The following AOPEP variants were observed in gnomAD, a reference collection of about 807,000 sequenced individuals.
AOPEP encodes the protein aminopeptidase O.
A neutral mutation model predicts 98.1 loss-of-function variants in AOPEP; 77 were observed. The observed-to-expected ratio is 0.78, with a 90% confidence interval of 0.65 to 0.95. The LOEUF is 0.95. AOPEP is among the 40% of genes least tolerant of loss of function. The pLI, the probability that AOPEP is intolerant of heterozygous loss-of-function variation, is 0.00. For synonymous variants in AOPEP, 346 were observed against 365.3 expected (o/e 0.95, Z 0.60); for missense variants, 1,024 against 1,024.7 (o/e 1.00, Z 0.01).
intron 13 of AOPEP, among the ~76,000 whole-genome samples, chr9:95,025,638 ATTAAG>A (rs1315106822): frequency 6.6e-6 from 1 of 152,254 alleles, no homozygotes; most frequent in African/African-American, 2.4e-5. Context: ...TTGTATAATT[ATTAAG>A]TTGATAGTGA....
Position 94,760,311 on chromosome 9 carries a change from C to T in AOPEP, c.528C>T (p.Leu176=). Residue 176 remains leucine (L), a synonymous_variant, in exon 2 of 17, where the codon CTC becomes CTT. Transcript: ENST00000375315. ...GLEKFTRSPE[L]TVVSEEFRNQ... is the part of the protein sequence containing the mutation. Reference sequence around the variant, plus strand: ...AAAAATTTACAAGGTCTCCTGAGCTCACGGTTGTTTCTGAGGAGTTCAGGA... The same window carrying T: ...AAAAATTTACAAGGTCTCCTGAGCTTACGGTTGTTTCTGAGGAGTTCAGGA... 6.2e-7 allele frequency: 1 copy of T among 1,614,158 alleles called. No homozygotes were observed.
In AOPEP at chr9:95,009,116, C is replaced by T. The variant is rs1176189564; in HGVS notation, c.2115+3500C>T. On this transcript the variant is annotated intron_variant, in intron 13 of 16. Transcript: ENST00000375315. ...CCAGCTGTGCAAAGGACAGGATGAA[C>T]GGTTGTGATTGCAACAGTGGATTTT... Among the ~76,000 whole-genome samples, 5 of 152,220 alleles carry T rather than the reference C, an allele frequency of 3.3e-5. No individual in the cohort carries two copies. The South Asian group carries it at 1.0e-3, about 32-fold the overall frequency.
At chr9:94,985,290 T>C (rs998712073) in intron 11 of AOPEP, among the ~76,000 whole-genome samples, 1 of 152,260 alleles carries the variant, frequency 6.6e-6, no homozygotes, top group Non-Finnish European at 1.5e-5. Flanking sequence ...ATGCCACTTC[T>C]TTCCGAGCAA....
chr9:94,733,052 G>T (rs1830910746), intron 1 of AOPEP, among the ~76,000 whole-genome samples: 1 of 150,132 alleles, frequency 6.7e-6, no homozygotes, highest in Non-Finnish European at 1.5e-5. Context: ...AGTATTTCAG[G>T]TTCTGGAAAT....
Position 94,930,032 on chromosome 9 carries a change from C to T in AOPEP, c.1661+1501C>T, listed in dbSNP as rs978631905. 6.6e-6 allele frequency among the ~76,000 whole-genome samples: 1 copy of T among 152,164 alleles called. No homozygotes were observed. The highest frequency in any genetic ancestry group is 1.5e-5 in the Non-Finnish European group (1 of 68,038). ...TTCCCCAAGTTCTTCAGAAGCTGCT[C>T]CAGGACCTTCAGCAGGAAGGTGGTA... On this transcript the variant is annotated intron_variant, in intron 7 of 16. Transcript: ENST00000375315. The surrounding 1 kb of genome is among the most constrained non-coding windows in gnomAD (Gnocchi z 4.5).
intron 5 of AOPEP, among the ~76,000 whole-genome samples, chr9:94,919,009 A>G (rs2053218872): frequency 1.3e-5 from 2 of 151,652 alleles, no homozygotes; most frequent in Admixed American, 1.3e-4. Context: ...TCCGCCTCCC[A>G]GGTTCAAGCC....
In AOPEP at chr9:95,022,615, G is replaced by A. The variant is rs953808401; in HGVS notation, c.2115+16999G>A. 1.5e-4 allele frequency among the ~76,000 whole-genome samples: 23 copies of A among 151,584 alleles called. 1 individual carries two copies. Among genetic ancestry groups the A allele is most frequent in the Admixed American group, 8.6e-4 (13 of 15,194 alleles). ...TGGCCTCCCAAAGTGCTGGGATTAC[G>A]GGCGTAAGCCACCGCGTCTGGCCTA... On this transcript the variant is annotated intron_variant, in intron 13 of 16. Coordinates refer to ENST00000375315, the MANE Select transcript of AOPEP (RefSeq NM_001193329.3).
At chr9:94,864,182 A>G (rs1166034239) in intron 5 of AOPEP, among the ~76,000 whole-genome samples, 1 of 152,228 alleles carries the variant, frequency 6.6e-6, no homozygotes, top group Non-Finnish European at 1.5e-5. Flanking sequence ...AGAACAGAGA[A>G]AAGACTGATA....
chr9:95,022,482 T>C (rs1437576029), intron 13 of AOPEP, among the ~76,000 whole-genome samples: 4 of 152,104 alleles, frequency 2.6e-5, no homozygotes, highest in Admixed American at 6.5e-5. Context: ...GGACTACGGG[T>C]GCCCGCCACC....
chr9:94,769,171 A>G (rs1298055431), intron 2 of AOPEP, among the ~76,000 whole-genome samples: 2 of 152,178 alleles, frequency 1.3e-5, no homozygotes, highest in Non-Finnish European at 2.9e-5. Flanking sequence ...ATGTTCACCC[A>G]TCCTAAATTT....
At chr9:95,038,561 G>T (rs1015800882) in intron 13 of AOPEP, among the ~76,000 whole-genome samples, 3 of 152,230 alleles carry the variant, frequency 2.0e-5, no homozygotes, top group African/African-American at 7.2e-5. Context: ...AGACAAAGCA[G>T]CTATAAATAA....
intron 1 of AOPEP, among the ~76,000 whole-genome samples, chr9:94,731,510 G>A (rs1221819005): frequency 6.6e-6 from 1 of 152,182 alleles, no homozygotes; most frequent in African/African-American, 2.4e-5. Flanking sequence ...ACAGGCGTGA[G>A]CCACCGTGCC....
chr9:94,845,521 GAC>G (rs2042755983), intron 5 of AOPEP, among the ~76,000 whole-genome samples: 1 of 152,190 alleles, frequency 6.6e-6, no homozygotes. Context: ...GGGGGAACGG[GAC>G]AGGAAAGGGG....
chr9:94,993,904 C>G lies in AOPEP; in HGVS notation c.1978-11254C>G, dbSNP rs146189101. Among the ~76,000 whole-genome samples the G allele has an allele frequency of 2.0e-5, 3 of 152,296 alleles. No homozygotes were observed. In the East Asian group the frequency reaches 5.8e-4, roughly 29 times the overall value. On this transcript the variant is annotated intron_variant, in intron 11 of 16. Transcript: ENST00000375315. ...GGCAACAAGCAATAATGGGATTCGG[C>G]TGGAGATAACCCCTCCATTCCTGGG...
chr9:94,762,952 T>C, intron 2 of AOPEP, among the ~76,000 whole-genome samples: 1 of 152,228 alleles, frequency 6.6e-6, no homozygotes, highest in East Asian at 1.9e-4. Context: ...AATTTTACAG[T>C]TGCGTGAAAA....
chr9:94,978,079 T>C (rs879712755), intron 10 of AOPEP, among the ~76,000 whole-genome samples: 5 of 151,832 alleles, frequency 3.3e-5, no homozygotes, highest in African/African-American at 4.8e-5. Flanking sequence ...AACCCCTCCT[T>C]CCCTCCCTAC....
chr9:95,093,861 G>C, the AOPEP span, among the ~76,000 whole-genome samples: 1 of 152,186 alleles, frequency 6.6e-6, no homozygotes, highest in Non-Finnish European at 1.5e-5. Flanking sequence ...TCCCAGCCCT[G>C]CTAGATGGCC....
Position 94,980,133 on chromosome 9 carries a change from G to A in AOPEP, c.1977+706G>A, listed in dbSNP as rs183745849. On this transcript the variant is annotated intron_variant, in intron 11 of 16. Transcript: ENST00000375315. This position sits in a 1 kb window ranked among gnomAD's most constrained non-coding sequence, Gnocchi z 4.3. ...CACCTGGCCTGGAGCTCCTCTCCCC[G>A]TCCACTCTCCTCTGGCCCTGTGCCT... Among the ~76,000 whole-genome samples, 233 of 152,248 alleles carry A rather than the reference G, an allele frequency of 1.5e-3. No homozygotes were observed. Among genetic ancestry groups the A allele is most frequent in the Middle Eastern group, 3.4e-3 (1 of 294 alleles).
At chr9:95,114,701 C>A in the AOPEP span, 1 of 1,614,054 alleles carries the variant, frequency 6.2e-7, no homozygotes. Context: ...CCAGTGTCCC[C>A]GAGGGATATC....
Sources: allele counts gnomAD v4.1 joint callset (sites outside exome capture counted in the v4.1 genomes callset), GRCh38; gene constraint gnomAD v4.1.1; non-coding constraint Gnocchi (gnomAD v3.1); transcripts MANE v1.5; gene names NCBI Gene and HGNC (gene_info 2026-07-23, HGNC 2026-07-21).